NRXN1: variants seen among roughly 807,000 people sequenced by gnomAD.
NRXN1 encodes the protein neurexin-1.
A neutral mutation model predicts 150.9 loss-of-function variants in NRXN1; 39 were observed. The observed-to-expected ratio is 0.26, with a 90% confidence interval of 0.20 to 0.34. NRXN1 has a LOEUF of 0.34. NRXN1 is among the 10% of genes least tolerant of loss of function. The pLI, the probability that NRXN1 is intolerant of heterozygous loss-of-function variation, is 1.00. For synonymous variants in NRXN1, 924 were observed against 757.0 expected (o/e 1.22, Z -3.62); for missense variants, 1,815 against 1,949.9 (o/e 0.93, Z 1.30).
intron 18 of NRXN1, among the ~76,000 whole-genome samples, chr2:50,124,561 C>T (rs1344145500): frequency 2.0e-5 from 3 of 152,074 alleles, no homozygotes; most frequent in Non-Finnish European, 4.4e-5. Flanking sequence ...CAGTTGTATT[C>T]ACCATAGCAG....
chr2:50,091,543 C>A (rs1699577555), intron 18 of NRXN1, 49 bp from the exon 19 acceptor site: 2 of 1,571,920 alleles, frequency 1.3e-6, no homozygotes, highest in Admixed American at 1.7e-5. Flanking sequence ...GACTAGTCAC[C>A]ATTTAATAAA....
At chr2:50,788,458 C>A (rs902198791) in intron 5 of NRXN1, among the ~76,000 whole-genome samples, 1 of 152,048 alleles carries the variant, frequency 6.6e-6, no homozygotes, top group East Asian at 1.9e-4. Flanking sequence ...AACAATTCCA[C>A]ACAAAACTTG....
intron 2 of NRXN1, among the ~76,000 whole-genome samples, chr2:50,967,633 C>T (rs1250952267): frequency 6.6e-6 from 1 of 151,966 alleles, no homozygotes; most frequent in Non-Finnish European, 1.5e-5. Flanking sequence ...AAATTATTTA[C>T]CTTAAACTAA....
chr2:50,900,137 C>T (rs1298619837), intron 5 of NRXN1, among the ~76,000 whole-genome samples: 3 of 152,114 alleles, frequency 2.0e-5, no homozygotes, highest in African/African-American at 4.8e-5. Flanking sequence ...AATAATATCT[C>T]CCCATGGCTA....
chr2:50,621,090 G>C (rs965548838), intron 7 of NRXN1, 136 bp downstream of exon 7: 33 of 655,050 alleles, frequency 5.0e-5, no homozygotes, highest in Non-Finnish European at 7.7e-5. Flanking sequence ...GGAGGTCAAA[G>C]TAAGCAGAAG....
At chr2:50,695,390 T>C (rs1692680067) in intron 5 of NRXN1, among the ~76,000 whole-genome samples, 1 of 152,216 alleles carries the variant, frequency 6.6e-6, no homozygotes, top group African/African-American at 2.4e-5. Context: ...AGGTGCATCA[T>C]ATAACATAAA....
At chr2:50,049,124 G>A (rs1251065676) in intron 21 of NRXN1, among the ~76,000 whole-genome samples, 1 of 152,118 alleles carries the variant, frequency 6.6e-6, no homozygotes, top group Non-Finnish European at 1.5e-5. Flanking sequence ...TGGATATGCT[G>A]TAAAAGTAGA....
At chr2:50,392,331 T>C (rs998023763) in intron 17 of NRXN1, among the ~76,000 whole-genome samples, 1 of 152,156 alleles carries the variant, frequency 6.6e-6, no homozygotes, top group African/African-American at 2.4e-5. Context: ...CATAAAGAGT[T>C]GACTGAGTTG....
intron 5 of NRXN1, among the ~76,000 whole-genome samples, chr2:50,817,124 G>A (rs1669050709): frequency 6.6e-6 from 1 of 151,932 alleles, no homozygotes; most frequent in Admixed American, 6.6e-5. Context: ...GAAGGCGGGT[G>A]GAGGAAGGAA....
chr2:50,126,263 A>G (rs754474998), intron 18 of NRXN1, among the ~76,000 whole-genome samples: 2 of 152,110 alleles, frequency 1.3e-5, no homozygotes, highest in African/African-American at 2.4e-5. Flanking sequence ...AAATGTCAAG[A>G]AAAACACCTT....
At chr2:50,544,255 T>C (rs926810250) in intron 9 of NRXN1, among the ~76,000 whole-genome samples, 3 of 151,986 alleles carry the variant, frequency 2.0e-5, no homozygotes, top group African/African-American at 7.2e-5. Context: ...GAATACAACA[T>C]TGACAATAGG....
chr2:50,204,083 C>A (rs2062388311), intron 18 of NRXN1, among the ~76,000 whole-genome samples: 1 of 151,964 alleles, frequency 6.6e-6, no homozygotes, highest in Non-Finnish European at 1.5e-5. Context: ...ATAAACCCAC[C>A]ATGGAATAGT....
At chr2:50,287,127 TA>T (rs2072294654) in intron 17 of NRXN1, among the ~76,000 whole-genome samples, 1 of 152,192 alleles carries the variant, frequency 6.6e-6, no homozygotes, top group South Asian at 2.1e-4. Context: ...AACAAGTATA[TA>T]AAAAATAATA....
intron 8 of NRXN1, among the ~76,000 whole-genome samples, chr2:50,601,884 G>C (rs978893193): frequency 2.6e-5 from 4 of 152,104 alleles, no homozygotes; most frequent in African/African-American, 9.7e-5. Flanking sequence ...ACACAAACCG[G>C]TGTTATCACA....
rs373138659 is a variant in NRXN1, at chr2:50,065,332, A to G, written c.3719-10288T>C. ...AAAGAGGGACCATTTGAATCAAGAT[A>G]AAGCTGACTCGAAAGTTGTTCCATG... On this transcript the variant is annotated intron_variant, in intron 19 of 22. Transcript: ENST00000401669. 7.2e-5 allele frequency among the ~76,000 whole-genome samples: 11 copies of G among 152,272 alleles called. No individual in the cohort carries two copies. In the East Asian group the frequency reaches 9.7e-4, roughly 13 times the overall value.
intron 5 of NRXN1, among the ~76,000 whole-genome samples, chr2:50,637,885 A>G (rs567453479): frequency 6.6e-6 from 1 of 152,076 alleles, no homozygotes; most frequent in South Asian, 2.1e-4. Context: ...TAAAAAAAAA[A>G]ATTTTCCTAG....
At chr2:50,274,641 T>A (rs537189195) in intron 17 of NRXN1, among the ~76,000 whole-genome samples, 1 of 152,280 alleles carries the variant, frequency 6.6e-6, no homozygotes, top group South Asian at 2.1e-4. Context: ...AAAATAGACA[T>A]CACTTTTCAA....
At chr2:50,551,584 G>C (rs903826390) in intron 9 of NRXN1, among the ~76,000 whole-genome samples, 5 of 152,098 alleles carry the variant, frequency 3.3e-5, no homozygotes, top group Non-Finnish European at 5.9e-5. Context: ...TTAGTTGGTT[G>C]GGGGTGGGTG....
chr2:50,698,163 A>G (rs1015166617), intron 5 of NRXN1, among the ~76,000 whole-genome samples: 1 of 152,258 alleles, frequency 6.6e-6, no homozygotes, highest in Non-Finnish European at 1.5e-5. Context: ...CCACCCGTAC[A>G]GCAGTGCTGG....
Sources: allele counts gnomAD v4.1 joint callset (sites outside exome capture counted in the v4.1 genomes callset), GRCh38; gene constraint gnomAD v4.1.1; transcripts MANE v1.5; gene names NCBI Gene and HGNC (gene_info 2026-07-23, HGNC 2026-07-21).